INIP: variants seen among roughly 807,000 people sequenced by gnomAD.
The protein encoded by INIP is INTS3 and NABP interacting protein.
Under a neutral mutation model 14.0 loss-of-function variants are expected in INIP, and 9 were observed. The ratio of observed to expected loss-of-function variants is 0.64; its 90% CI spans 0.39 to 1.12. The LOEUF (loss-of-function observed/expected upper bound fraction) is 1.12, where lower values mean the gene tolerates loss of function less well. Ranked by LOEUF, INIP falls within the 50% of genes most tolerant of loss-of-function variation. The probability of loss-of-function intolerance (pLI) is 0.01; values close to 1 mark genes in which losing one functional copy is unlikely to be tolerated. For missense variants in INIP, 78 were observed against 122.7 expected, an observed-to-expected ratio of 0.64 and a Z score of 1.72; for synonymous variants, 37 against 41.5, an observed-to-expected ratio of 0.89 and a Z score of 0.41.
At chr9:112,697,416 T>G (rs1037313949) in intron 2 of INIP, among the ~76,000 whole-genome samples, 3 of 152,186 alleles carry the variant, frequency 2.0e-5, no homozygotes, top group Non-Finnish European at 4.4e-5. Flanking sequence ...CAAGACCTTA[T>G]GTCTACAAAA....
rs1361562720 is a variant in INIP at position 112,691,856 on chromosome 9, A to G, written c.129-2239T>C. Among the ~76,000 whole-genome samples the G allele has an allele frequency of 2.0e-5, 3 of 152,100 alleles. No homozygotes were observed. In the East Asian group the frequency reaches 5.8e-4, roughly 29 times the overall value. On this transcript the variant is annotated intron_variant, in intron 3 of 4. Transcript: ENST00000374242. ...AAAACCCCATCTCTACTAAAATTAC[A>G]AAAGTTTGCTGGGTGTGGTGGGGTA...
chr9:112,695,324 T>C (rs1838045662), intron 2 of INIP, among the ~76,000 whole-genome samples: 1 of 141,354 alleles, frequency 7.1e-6, no homozygotes, highest in African/African-American at 2.7e-5. Context: ...GCCAGAAGAA[T>C]GAATATGGGA....
intron 2 of INIP, among the ~76,000 whole-genome samples, chr9:112,706,018 T>C (rs558854801): frequency 9.2e-5 from 14 of 152,158 alleles, no homozygotes; most frequent in Non-Finnish European, 1.9e-4. Flanking sequence ...AGAAGAGACC[T>C]GCCGCAGGGA....
chr9:112,690,947 AATG>A (rs1837865017), intron 3 of INIP, among the ~76,000 whole-genome samples: 1 of 152,202 alleles, frequency 6.6e-6, no homozygotes, highest in South Asian at 2.1e-4. Flanking sequence ...CTGCATCACT[AATG>A]ATATTGTGGC....
At chr9:112,689,433 G>T in intron 4 of INIP, 94 bp downstream of exon 4, 1 of 954,882 alleles carries the variant, frequency 1.0e-6, no homozygotes. Context: ...CATTTTTATT[G>T]ATATTGCTCC....
chr9:112,686,468 A>C lies in INIP; in HGVS notation c.*1070T>G, dbSNP rs748666221. ...TCTTAACCTAATCCCTTCCTACTTA[A>C]TTAAAAAGGAGCTCGACTTGCATAA... On this transcript the variant is annotated 3_prime_UTR_variant, in exon 5 of 5. Transcript: ENST00000374242. 1.3e-5 allele frequency: 2 copies of C among 152,234 alleles called. No homozygotes were observed. The highest frequency in any genetic ancestry group is 2.9e-5 in the Non-Finnish European group (2 of 68,012). The allele number at this position is 152,234 out of a possible 1,614,324, so 9.4% of individuals were successfully genotyped here. A position where few individuals can be genotyped will look rare whatever the true frequency, so the allele number is the denominator to read the frequency against.
rs540354713 is a variant in INIP at position 112,689,752 on chromosome 9, A to G, written c.129-135T>C. 168 of 608,074 alleles carry G rather than the reference A, an allele frequency of 2.8e-4. 3 individuals carry two copies. The South Asian group carries it at 3.5e-3, about 13-fold the overall frequency. 37.7% of individuals were successfully genotyped at this position (608,074 alleles called of 1,614,324 possible). ...AAACTGCATATACTTCCAGTGTACA[A>G]TATGATGTTTTAGTATTTGTATTTG... On this transcript the variant is annotated intron_variant, in intron 3 of 4. Transcript: ENST00000374242.
At chr9:112,715,135 C>CAT (rs1355278424) in intron 2 of INIP, among the ~76,000 whole-genome samples, 10 of 25,684 alleles carry the variant, frequency 3.9e-4, no homozygotes, top group East Asian at 7.1e-4. Context: ...TACATACATA[C>CAT]ACACACACAC....
rs1373615991 is a variant in INIP, at chr9:112,685,630, G to GA, written c.*1907dup. 6.6e-6 allele frequency: 1 copy of GA among 152,136 alleles called. No individual in the cohort carries two copies. The highest frequency in any genetic ancestry group is 1.5e-5 in the Non-Finnish European group (1 of 68,028). 9.4% of individuals were successfully genotyped at this position (152,136 alleles called of 1,614,324 possible). A position where few individuals can be genotyped will look rare whatever the true frequency, so the allele number is the denominator to read the frequency against. On this transcript the variant is annotated 3_prime_UTR_variant, in exon 5 of 5. Coordinates refer to ENST00000374242, the MANE Select transcript of INIP (RefSeq NM_021218.3). Reference sequence around the variant, plus strand: ...ATTAGGTAGAGGCTTCAATAGTGTAGAAAATATACTAATGTGTTATCTCCT... The same window carrying GA: ...ATTAGGTAGAGGCTTCAATAGTGTAGAAAAATATACTAATGTGTTATCTCCT...
At chr9:112,705,040 G>C (rs1838413317) in intron 2 of INIP, among the ~76,000 whole-genome samples, 1 of 148,002 alleles carries the variant, frequency 6.8e-6, no homozygotes, top group Admixed American at 6.9e-5. Context: ...GAACCTGGGA[G>C]GTCAAAGCTG....
Position 112,715,129 on chromosome 9 carries a change from TACATACAC to T in INIP, c.25+1324_25+1331del, listed in dbSNP as rs1404491250. On this transcript the variant is annotated intron_variant, in intron 2 of 4. Coordinates refer to ENST00000374242, the MANE Select transcript of INIP (RefSeq NM_021218.3). ...ATCTTAAAATACACACATACATACATACATACACACACACACACACACACACACACACA... is the reference window on the plus strand; with the variant it reads ...ATCTTAAAATACACACATACATACATACACACACACACACACACACACACA... 5.2e-3 allele frequency among the ~76,000 whole-genome samples: 524 copies of T among 100,958 alleles called. 6 individuals are homozygous for T. The highest frequency in any genetic ancestry group is 0.018 in the African/African-American group (467 of 26,212). The allele number at this position is 100,958 out of a possible 152,430, so 66.2% of individuals were successfully genotyped here.
chr9:112,689,654 C>T lies in INIP; in HGVS notation c.129-37G>A, dbSNP rs575266285. 161 of 1,494,878 alleles carry T rather than the reference C, an allele frequency of 1.1e-4. 1 individual carries two copies. In the South Asian group the frequency reaches 1.6e-3, roughly 15 times the overall value. 92.6% of individuals were successfully genotyped at this position (1,494,878 alleles called of 1,614,324 possible). On this transcript the variant is annotated intron_variant, in intron 3 of 4. Coordinates refer to ENST00000374242, the MANE Select transcript of INIP (RefSeq NM_021218.3). ...ATCTTGGTTACTCAGCTGCTTAAGG[C>T]AGAAACATCCTTACTTTTTTTTGGA...
rs941539107 is a variant in INIP at position 112,688,550 on chromosome 9, G to C, written c.220-917C>G. Among the ~76,000 whole-genome samples, 9 of 151,916 alleles carry C rather than the reference G, an allele frequency of 5.9e-5. 1 individual carries two copies. Among genetic ancestry groups the C allele is most frequent in the Non-Finnish European group, 1.3e-4 (9 of 68,002 alleles). ...AAAGTGAATGGAGGGCTGGGCAATG[G>C]TGGCTCACACCTGTAATCCCAACAC... On this transcript the variant is annotated intron_variant, in intron 4 of 4. Coordinates refer to ENST00000374242, the MANE Select transcript of INIP (RefSeq NM_021218.3).
At position 112,716,503 on chromosome 9, in the gene INIP, A is replaced by G; in HGVS notation, c.-18T>C. 6.2e-7 allele frequency: 1 copy of G among 1,613,014 alleles called. No homozygotes were observed. The highest frequency in any genetic ancestry group is 1.7e-5 in the Admixed American group (1 of 59,998). ...GCTGCCATTTTCCTATTTTGTTTCA[A>G]GTATGTCCAGTGGCAATTGGTCAGC... On this transcript the variant is annotated 5_prime_UTR_variant, in exon 2 of 5. Transcript: ENST00000374242.
chr9:112,692,486 G>A (rs1837924509), intron 3 of INIP, among the ~76,000 whole-genome samples: 1 of 151,942 alleles, frequency 6.6e-6, no homozygotes, highest in Non-Finnish European at 1.5e-5. Context: ...GTCTTGCCAC[G>A]TTGCCCAGGC....
intron 2 of INIP, among the ~76,000 whole-genome samples, chr9:112,704,422 T>C (rs1042507292): frequency 5.3e-5 from 8 of 152,144 alleles, no homozygotes; most frequent in African/African-American, 1.9e-4. Context: ...CACTGAGCTA[T>C]GAAACACTGA....
rs74706535 is a variant in INIP at position 112,713,376 on chromosome 9, A to C, written c.25+3085T>G. Among the ~76,000 whole-genome samples, 1,315 of 152,294 alleles carry C rather than the reference A, an allele frequency of 8.6e-3. 31 individuals are homozygous for C. The highest frequency in any genetic ancestry group is 0.03 in the African/African-American group (1,250 of 41,550). On this transcript the variant is annotated intron_variant, in intron 2 of 4. Transcript: ENST00000374242. ...ACAGTACAAAGAGAGCTCTCTTCAG[A>C]AGCGCATATACTAAAATAATAAAAT...
rs962476527 is a variant in INIP at position 112,691,939 on chromosome 9, G to A, written c.128+2192C>T. 9.2e-5 allele frequency among the ~76,000 whole-genome samples: 14 copies of A among 152,272 alleles called. 1 individual carries two copies. The South Asian group carries it at 2.1e-3, about 23-fold the overall frequency. On this transcript the variant is annotated intron_variant, in intron 3 of 4. Coordinates refer to ENST00000374242, the MANE Select transcript of INIP (RefSeq NM_021218.3). ...GCACGAGAATCACTTGAACATGGGAGGCAGAGGTTGCAGTGAGCCAAGATC... is the reference window on the plus strand; with the variant it reads ...GCACGAGAATCACTTGAACATGGGAAGCAGAGGTTGCAGTGAGCCAAGATC...
At chr9:112,689,643 G>C (rs1297010726) in intron 3 of INIP, 26 bp from the exon 4 acceptor site, 1 of 1,553,148 alleles carries the variant, frequency 6.4e-7, no homozygotes, top group African/African-American at 1.4e-5. Flanking sequence ...TGGTTACTCA[G>C]CTGCTTAAGG....
Sources: gnomAD v4.1 joint callset for allele counts (sites outside exome capture counted in the v4.1 genomes callset) on GRCh38, gnomAD v4.1.1 for gene constraint, MANE v1.5 for transcripts, NCBI Gene and HGNC (gene_info 2026-07-23, HGNC 2026-07-21) for gene names.